The following GRB14 variants were observed in gnomAD, a reference collection of about 807,000 sequenced individuals.
GRB14 encodes growth factor receptor bound protein 14.
GRB14 carries 38 observed loss-of-function variants against 69.1 expected under a neutral mutation model. The observed-to-expected ratio is 0.55, with a 90% CI of 0.42 to 0.72. The LOEUF is 0.72. Among genes scored for constraint, GRB14 ranks in the 30% least tolerant of loss-of-function variants. The pLI is 0.00. For missense variants in GRB14, 666 were observed against 666.1 expected (o/e 1.00, Z 0.00); for synonymous variants, 247 against 241.3 (o/e 1.02, Z -0.22).
intron 8 of GRB14, among the ~76,000 whole-genome samples, chr2:164,507,403 C>G (rs1562934): frequency 0.12 from 17,568 of 152,170 alleles, 1,103 homozygotes; most frequent in Middle Eastern, 0.16. Context: ...TCATTTCTAA[C>G]TATATTGAAA....
chr2:164,578,187 C>T (rs966971926), intron 2 of GRB14, among the ~76,000 whole-genome samples: 10 of 151,836 alleles, frequency 6.6e-5, no homozygotes, highest in East Asian at 3.9e-4. Flanking sequence ...GAGCCAAGAT[C>T]GTGCCACTGC....
At chr2:164,573,620 CT>C in intron 2 of GRB14, 3 of 1,379,370 alleles carry the variant, frequency 2.2e-6, no homozygotes, top group Non-Finnish European at 3.0e-6. Context: ...ATTATTTCAT[CT>C]TTCTTTAATA....
chr2:164,612,444 A>T (rs1690189785), intron 2 of GRB14, among the ~76,000 whole-genome samples: 1 of 152,186 alleles, frequency 6.6e-6, no homozygotes, highest in South Asian at 2.1e-4. Context: ...CAGTCCTGCC[A>T]TTTCTCTTCT....
intron 9 of GRB14, among the ~76,000 whole-genome samples, chr2:164,499,209 A>G (rs1574242713): frequency 6.6e-6 from 1 of 152,280 alleles, no homozygotes; most frequent in East Asian, 1.9e-4. Context: ...CATTATATTA[A>G]GAAAAAAATA....
intron 2 of GRB14, among the ~76,000 whole-genome samples, chr2:164,553,758 A>G (rs1688604485): frequency 6.6e-6 from 1 of 152,130 alleles, no homozygotes; most frequent in African/African-American, 2.4e-5. Context: ...TGAGGTCAGG[A>G]GTTCGAGACC....
chr2:164,494,505 T>A lies in GRB14; in HGVS notation c.1402A>T (p.Ser468Cys). 1 of 1,573,206 alleles carries A rather than the reference T, an allele frequency of 6.4e-7. No individual in the cohort carries two copies. Among genetic ancestry groups the A allele is most frequent in the Non-Finnish European group, 8.7e-7 (1 of 1,143,036 alleles). Residue 468 changes from serine (S) to cysteine (C), a missense_variant, in exon 13 of 14, where the codon AGT becomes TGT. Coordinates refer to ENST00000263915, the MANE Select transcript of GRB14 (RefSeq NM_004490.3). ...LVDGVFLVRD[S>C]QSNPKTFVLS... is the part of the protein sequence containing the mutation. ...ACGAAAGTTTTGGGGTTACTCTGAC[T>A]ATCCCGTACCAAGAAAACTCTAAAG...
Position 164,524,994 on chromosome 2 carries a change from T to C in GRB14, c.678+10A>G. On this transcript the variant is annotated intron_variant, in intron 5 of 13. Coordinates refer to ENST00000263915, the MANE Select transcript of GRB14 (RefSeq NM_004490.3). The stretch of plus-strand genomic sequence containing the variant: ...TATTATTTATATATGTTAATAAAAA[T>C]ATATTTTACCTGCAAAATCTGTGTG... 3.3e-6 allele frequency: 5 copies of C among 1,493,962 alleles called. No homozygotes were observed. Among genetic ancestry groups the C allele is most frequent in the Non-Finnish European group, 4.6e-6 (5 of 1,089,524 alleles). The allele number at this position is 1,493,962 out of a possible 1,614,324, so 92.5% of individuals were successfully genotyped here.
chr2:164,604,845 C>T (rs958567097), intron 2 of GRB14, among the ~76,000 whole-genome samples: 4 of 151,832 alleles, frequency 2.6e-5, no homozygotes, highest in East Asian at 1.9e-4. Flanking sequence ...TTTGTGGTTG[C>T]GAGGGGCCGA....
At chr2:164,566,483 A>G (rs1406883488) in intron 2 of GRB14, among the ~76,000 whole-genome samples, 1 of 152,160 alleles carries the variant, frequency 6.6e-6, no homozygotes, top group African/African-American at 2.4e-5. Flanking sequence ...ATTATAACAG[A>G]AACTTGACAA....
At chr2:164,599,878 AC>A (rs1689874472) in intron 2 of GRB14, among the ~76,000 whole-genome samples, 1 of 152,202 alleles carries the variant, frequency 6.6e-6, no homozygotes, top group South Asian at 2.1e-4. Context: ...AAAAGAAAAG[AC>A]CCAACATAGA....
rs550547169 is a variant in GRB14, at chr2:164,518,596, G to A, written c.816+3384C>T. 3.3e-5 allele frequency among the ~76,000 whole-genome samples: 5 copies of A among 152,040 alleles called. No homozygotes were observed. The East Asian group carries it at 9.6e-4, about 29-fold the overall frequency. ...GAAACAAAAGCTGGTTCTTTGTAAA[G>A]ATAAATAAAATTGATAGACCATTAG... On this transcript the variant is annotated intron_variant, in intron 6 of 13. Coordinates refer to ENST00000263915, the MANE Select transcript of GRB14 (RefSeq NM_004490.3).
At chr2:164,540,108 A>C (rs575683492) in intron 3 of GRB14, among the ~76,000 whole-genome samples, 3 of 152,144 alleles carry the variant, frequency 2.0e-5, no homozygotes, top group African/African-American at 7.2e-5. Flanking sequence ...CTCTCCCATT[A>C]CCTTCCACCT....
chr2:164,612,045 C>T (rs1423330653), intron 2 of GRB14, among the ~76,000 whole-genome samples: 1 of 152,126 alleles, frequency 6.6e-6, no homozygotes, highest in Non-Finnish European at 1.5e-5. Context: ...TGATATAACA[C>T]CCCTCATCTG....
At chr2:164,616,778 A>G (rs1574361259) in intron 2 of GRB14, among the ~76,000 whole-genome samples, 1 of 152,250 alleles carries the variant, frequency 6.6e-6, no homozygotes, top group South Asian at 2.1e-4. Flanking sequence ...AGAGAAAAGA[A>G]TCACTAAAAT....
At chr2:164,574,130 T>C in intron 2 of GRB14, 1 of 666,966 alleles carries the variant, frequency 1.5e-6, no homozygotes, top group East Asian at 2.7e-5. Context: ...CTTCCTTAAG[T>C]AAATGACATA....
chr2:164,496,418 G>A (rs2105254683), intron 12 of GRB14, among the ~76,000 whole-genome samples: 1 of 152,106 alleles, frequency 6.6e-6, no homozygotes, highest in Admixed American at 6.6e-5. Flanking sequence ...TTTCTCTTTT[G>A]TATTCCATGG....
At chr2:164,544,992 G>A (rs917997210) in intron 3 of GRB14, among the ~76,000 whole-genome samples, 6 of 152,170 alleles carry the variant, frequency 3.9e-5, no homozygotes, top group African/African-American at 1.4e-4. Flanking sequence ...ATAAGAGAAA[G>A]GATGTTCATT....
At chr2:164,547,193 T>C (rs1268068082) in intron 3 of GRB14, among the ~76,000 whole-genome samples, 1 of 152,142 alleles carries the variant, frequency 6.6e-6, no homozygotes, top group East Asian at 1.9e-4. Flanking sequence ...GGAACCTTGA[T>C]CTCTCTAAAC....
chr2:164,563,068 C>T (rs1688874769), intron 2 of GRB14, among the ~76,000 whole-genome samples: 1 of 152,014 alleles, frequency 6.6e-6, no homozygotes, highest in East Asian at 1.9e-4. Context: ...TGCCCACTAC[C>T]ACTTCACTAT....
Sources: gnomAD v4.1 joint callset for allele counts (sites outside exome capture counted in the v4.1 genomes callset) on GRCh38, gnomAD v4.1.1 for gene constraint, MANE v1.5 for transcripts, NCBI Gene and HGNC (gene_info 2026-07-23, HGNC 2026-07-21) for gene names.